The following ASB3 variants were observed in gnomAD, a reference collection of about 807,000 sequenced individuals.
The protein encoded by ASB3 is ankyrin repeat and SOCS box containing 3, also known as ankyrin repeat and SOCS box protein 3.
Under a neutral mutation model 54.5 loss-of-function variants are expected in ASB3, and 41 were observed. The observed-to-expected ratio is 0.75, with a 90% CI of 0.59 to 0.98. ASB3 has a LOEUF of 0.98. ASB3 is among the 50% of genes least tolerant of loss of function. ASB3 has a pLI of 0.00. For missense variants in ASB3, 733 were observed against 620.0 expected, an observed-to-expected ratio of 1.18 and a Z score of -1.94; for synonymous variants, 266 against 221.2, an observed-to-expected ratio of 1.20 and a Z score of -1.80.
rs1290751625 is a variant in ASB3 at position 53,736,656 on chromosome 2, G to A, written c.356-7086C>T. Reference sequence around the variant, plus strand: ...GGAGCTTGCAGTGAGCCGAAATCGCGCCACTACACTCCAGCCTGGGCGACA... The same window carrying A: ...GGAGCTTGCAGTGAGCCGAAATCGCACCACTACACTCCAGCCTGGGCGACA... On this transcript the variant is annotated intron_variant, in intron 3 of 9. Coordinates refer to ENST00000263634, the MANE Select transcript of ASB3 (RefSeq NM_016115.5). Among the ~76,000 whole-genome samples, 6 of 150,304 alleles carry A rather than the reference G, an allele frequency of 4.0e-5. No homozygotes were observed. The East Asian group carries it at 5.9e-4, about 15-fold the overall frequency.
intron 3 of ASB3, among the ~76,000 whole-genome samples, chr2:53,734,217 T>C (rs970448211): frequency 3.9e-5 from 6 of 152,174 alleles, no homozygotes; most frequent in African/African-American, 1.4e-4. Flanking sequence ...GGGGGGCCTG[T>C]TCCCAACACT....
chr2:53,716,556 T>A lies in ASB3; in HGVS notation c.782+10A>T. On this transcript the variant is annotated intron_variant, in intron 6 of 9. Transcript: ENST00000263634. Reference sequence around the variant, plus strand: ...AGAGACCATGTTTATTTTCTGTTTTTAACACTTACTTTGTATGGCCCATTT... The same window carrying A: ...AGAGACCATGTTTATTTTCTGTTTTAAACACTTACTTTGTATGGCCCATTT... 1 of 1,607,782 alleles carries A rather than the reference T, an allele frequency of 6.2e-7. No homozygotes were observed. The highest frequency in any genetic ancestry group is 8.5e-7 in the Non-Finnish European group (1 of 1,175,762).
In ASB3 at chr2:53,700,528, G is replaced by C. The variant is rs1669428791; in HGVS notation, c.981C>G (p.Asp327Glu). 6.3e-7 allele frequency: 1 copy of C among 1,582,480 alleles called. No homozygotes were observed. The highest frequency in any genetic ancestry group is 1.4e-5 in the African/African-American group (1 of 72,724). Reference protein sequence around the residue: ...SSPVCMAFQKDCEFFGIVNIL... With the variant: ...SSPVCMAFQKECEFFGIVNIL... ...TGTTCACAATTCCAAAGAACTCACA[G>C]CTCCACCATAAAAAATAAAAACAAA... Residue 327 changes from aspartate (D) to glutamate (E), a missense_variant and splice_region_variant, in exon 8 of 10, where the codon GAC becomes GAG. Transcript: ENST00000263634.
At chr2:53,706,016 T>A (rs1257747839) in intron 7 of ASB3, among the ~76,000 whole-genome samples, 4 of 152,212 alleles carry the variant, frequency 2.6e-5, no homozygotes, top group African/African-American at 9.7e-5. Flanking sequence ...AAACTAGGGT[T>A]TTTTTAAGAC....
chr2:53,676,714 C>T (rs1668098344), intron 9 of ASB3, among the ~76,000 whole-genome samples: 1 of 152,146 alleles, frequency 6.6e-6, no homozygotes, highest in Admixed American at 6.6e-5. Context: ...AAGTTCCATT[C>T]CTAGTAAGTG....
intron 9 of ASB3, among the ~76,000 whole-genome samples, chr2:53,675,216 A>C (rs1668022736): frequency 6.6e-6 from 1 of 152,194 alleles, no homozygotes; most frequent in African/African-American, 2.4e-5. Flanking sequence ...GGCACCACAG[A>C]ATCTAGTGAT....
At chr2:53,777,926 C>T (rs1167133604) in intron 1 of ASB3, among the ~76,000 whole-genome samples, 3 of 151,976 alleles carry the variant, frequency 2.0e-5, no homozygotes, top group Non-Finnish European at 4.4e-5. Context: ...GCGGGTGGAT[C>T]GCCTGAAGTC....
chr2:53,699,542 C>A (rs191529349), intron 8 of ASB3, among the ~76,000 whole-genome samples: 2 of 152,148 alleles, frequency 1.3e-5, no homozygotes, highest in African/African-American at 2.4e-5. Context: ...AATTGAAACA[C>A]GAAAGTGAAG....
chr2:53,758,082 C>T (rs1572980122), intron 2 of ASB3, among the ~76,000 whole-genome samples: 1 of 152,128 alleles, frequency 6.6e-6, no homozygotes, highest in South Asian at 2.1e-4. Flanking sequence ...ACAGTGCACC[C>T]TATTCCTTTA....
chr2:53,775,787 A>T (rs1007214481), intron 1 of ASB3, among the ~76,000 whole-genome samples: 3 of 152,056 alleles, frequency 2.0e-5, no homozygotes, highest in African/African-American at 7.2e-5. Flanking sequence ...ATAATTTTTT[A>T]TTTGTACAAA....
At chr2:53,736,247 C>T (rs907817271) in intron 3 of ASB3, among the ~76,000 whole-genome samples, 5 of 152,180 alleles carry the variant, frequency 3.3e-5, no homozygotes, top group African/African-American at 1.2e-4. Context: ...TACTCACCTT[C>T]TTGTCATTCC....
intron 2 of ASB3, among the ~76,000 whole-genome samples, chr2:53,755,475 G>C (rs1442316270): frequency 6.6e-6 from 1 of 152,200 alleles, no homozygotes; most frequent in East Asian, 1.9e-4. Context: ...ATTAAGACCA[G>C]AATATTTCTC....
At chr2:53,699,802 A>T (rs1381182958) in intron 8 of ASB3, among the ~76,000 whole-genome samples, 1 of 152,136 alleles carries the variant, frequency 6.6e-6, no homozygotes. Context: ...CCTTCTGAGG[A>T]ACTACCTGAA....
intron 7 of ASB3, among the ~76,000 whole-genome samples, chr2:53,702,644 T>A (rs1003352273): frequency 3.3e-5 from 5 of 152,154 alleles, no homozygotes; most frequent in Non-Finnish European, 7.4e-5. Context: ...CATCAGATAC[T>A]GAGAGGAGAG....
intron 9 of ASB3, among the ~76,000 whole-genome samples, chr2:53,684,072 T>C (rs1668513736): frequency 6.6e-6 from 1 of 152,228 alleles, no homozygotes; most frequent in Admixed American, 6.5e-5. Context: ...ACTTTTTTAA[T>C]GTAGATGCTT....
chr2:53,750,469 T>C (rs1011341646), intron 3 of ASB3, among the ~76,000 whole-genome samples: 6 of 152,128 alleles, frequency 3.9e-5, no homozygotes, highest in Admixed American at 2.6e-4. Flanking sequence ...ACAGGTAACC[T>C]TGCAACTACT....
intron 1 of ASB3, among the ~76,000 whole-genome samples, chr2:53,780,615 C>A (rs984299456): frequency 2.0e-5 from 3 of 151,884 alleles, no homozygotes; most frequent in African/African-American, 7.3e-5. Context: ...CATGTCTCTA[C>A]AAAAATGTAA....
At chr2:53,725,537 G>C (rs1378519089) in intron 5 of ASB3, among the ~76,000 whole-genome samples, 3 of 152,142 alleles carry the variant, frequency 2.0e-5, no homozygotes, top group African/African-American at 7.2e-5. Flanking sequence ...CTCACTTTTT[G>C]TGAAGATTTT....
intron 2 of ASB3, among the ~76,000 whole-genome samples, chr2:53,763,168 G>A (rs1252490798): frequency 1.3e-5 from 2 of 152,160 alleles, no homozygotes; most frequent in Non-Finnish European, 2.9e-5. Context: ...GATCACTTGA[G>A]CCAAGGGTTT....
Sources: allele counts gnomAD v4.1 joint callset (sites outside exome capture counted in the v4.1 genomes callset), GRCh38; gene constraint gnomAD v4.1.1; transcripts MANE v1.5; gene names NCBI Gene and HGNC (gene_info 2026-07-23, HGNC 2026-07-21).